RAPGEF1: variants seen among roughly 807,000 people sequenced by gnomAD.
RAPGEF1 encodes CRK SH3-binding GNRP.
RAPGEF1 carries 33 observed loss-of-function variants against 143.3 expected under a neutral mutation model. That is an observed-to-expected ratio of 0.23 (90% CI 0.17 to 0.31). RAPGEF1 has a LOEUF of 0.31. Ranked by LOEUF, RAPGEF1 falls within the 10% of genes least tolerant of loss-of-function variation. RAPGEF1 has a pLI of 1.00. For missense variants in RAPGEF1, 1,199 were observed against 1,645.4 expected (o/e 0.73, Z 4.69); for synonymous variants, 629 against 676.5 (o/e 0.93, Z 1.09).
At chr9:131,622,903 G>T (rs1244722754) in intron 10 of RAPGEF1, among the ~76,000 whole-genome samples, 1 of 152,032 alleles carries the variant, frequency 6.6e-6, no homozygotes, top group Non-Finnish European at 1.5e-5. Flanking sequence ...GAGTAGCTGG[G>T]ATTATAGGCA....
intron 1 of RAPGEF1, among the ~76,000 whole-genome samples, chr9:131,734,019 C>A (rs1171912129): frequency 2.6e-5 from 4 of 152,190 alleles, no homozygotes; most frequent in East Asian, 1.9e-4. Flanking sequence ...TATCTCTCTA[C>A]AGCACTGTTA....
intron 1 of RAPGEF1, among the ~76,000 whole-genome samples, chr9:131,656,769 A>G (rs1222738618): frequency 6.6e-6 from 1 of 152,228 alleles, no homozygotes. Context: ...GCAGGGACCA[A>G]CTAAGGGCAC....
Position 131,650,104 on chromosome 9 carries a change from C to T in RAPGEF1, c.315+25G>A. ...TCTGCAGTAGAAGGCAAGGCAAACCCAATTGTTCTTAATGTTACACTGACC... is the reference window on the plus strand; with the variant it reads ...TCTGCAGTAGAAGGCAAGGCAAACCTAATTGTTCTTAATGTTACACTGACC... On this transcript the variant is annotated intron_variant, in intron 3 of 26. Transcript: ENST00000683357. This position sits in a 1 kb window ranked among gnomAD's most constrained non-coding sequence, Gnocchi z 4.7. 1 of 1,576,026 alleles carries T rather than the reference C, an allele frequency of 6.3e-7. No homozygotes were observed. The highest frequency in any genetic ancestry group is 8.7e-7 in the Non-Finnish European group (1 of 1,149,092).
rs754708795 is a variant in RAPGEF1 at position 131,579,489 on chromosome 9, G to A, written c.*8C>T. 13 of 1,613,188 alleles carry A rather than the reference G, an allele frequency of 8.1e-6. No homozygotes were observed. Among genetic ancestry groups the A allele is most frequent in the South Asian group, 2.2e-5 (2 of 91,068 alleles). ...CTCGAGCATTCTCCTGGATCCCGGC[G>A]TCTGCTCCTAGGTCTTCTCTTCCCG... On this transcript the variant is annotated 3_prime_UTR_variant, in exon 27 of 27. Coordinates refer to ENST00000683357, the MANE Select transcript of RAPGEF1 (RefSeq NM_001377935.1).
intron 1 of RAPGEF1, among the ~76,000 whole-genome samples, chr9:131,692,282 A>G (rs1833836651): frequency 6.6e-6 from 1 of 152,260 alleles, no homozygotes; most frequent in Non-Finnish European, 1.5e-5. Context: ...GTGACTGTAG[A>G]GAGAAAAACT....
chr9:131,626,330 G>A lies in RAPGEF1; in HGVS notation c.1294C>T (p.Pro432Ser), dbSNP rs770812291. Reference sequence around the variant, plus strand: ...GACCCAGACTCCCCCAAAGACTCTGGCAACGGGCTAAGGTTCCAGGCCGTC... The same window carrying A: ...GACCCAGACTCCCCCAAAGACTCTGACAACGGGCTAAGGTTCCAGGCCGTC... ...QQTAWNLSPL[P>S]ESLGESGSPF... The change falls in exon 10 of 27, where the codon CCA (proline) becomes TCA (serine). Residue 432 changes from proline (P) to serine (S), a missense_variant. Pro to Ser is a moderately conservative substitution (Grantham distance 74). Transcript: ENST00000683357. 1.1e-5 allele frequency: 17 copies of A among 1,614,018 alleles called. No individual in the cohort carries two copies. The highest frequency in any genetic ancestry group is 1.4e-5 in the Non-Finnish European group (17 of 1,179,898).
rs950277690 is a variant in RAPGEF1, at chr9:131,603,237, G to A, written c.2412+724C>T. Among the ~76,000 whole-genome samples, 51 of 152,252 alleles carry A rather than the reference G, an allele frequency of 3.3e-4. 1 individual carries two copies. The highest frequency in any genetic ancestry group is 1.0e-4 in the Non-Finnish European group (7 of 68,036). On this transcript the variant is annotated intron_variant, in intron 14 of 26. Transcript: ENST00000683357. Reference sequence around the variant, plus strand: ...CCCGCCCTGGGGTGGATCACTGGGAGTCTTCCAGCCCTCATGGGCCTCCCT... The same window carrying A: ...CCCGCCCTGGGGTGGATCACTGGGAATCTTCCAGCCCTCATGGGCCTCCCT...
chr9:131,693,071 A>G (rs1833896187), intron 1 of RAPGEF1, among the ~76,000 whole-genome samples: 1 of 152,224 alleles, frequency 6.6e-6, no homozygotes, highest in South Asian at 2.1e-4. Context: ...TCCCTGGTGC[A>G]CTGTATCCTC....
chr9:131,587,420 G>T (rs1217551664), intron 22 of RAPGEF1, among the ~76,000 whole-genome samples: 2 of 152,268 alleles, frequency 1.3e-5, no homozygotes, highest in African/African-American at 4.8e-5. Flanking sequence ...ATCAGCTTGA[G>T]ATTGCCTGGC....
chr9:131,646,081 C>G (rs973815700), intron 3 of RAPGEF1, among the ~76,000 whole-genome samples: 1 of 152,154 alleles, frequency 6.6e-6, no homozygotes. Flanking sequence ...AGAAAGAGGC[C>G]AGATCGTAGC....
chr9:131,673,897 G>A (rs1831827155), intron 1 of RAPGEF1, among the ~76,000 whole-genome samples: 2 of 152,328 alleles, frequency 1.3e-5, no homozygotes, highest in African/African-American at 4.8e-5. Flanking sequence ...GTGTCTGCCA[G>A]TCCCCATGTC....
chr9:131,599,411 G>A (rs538285066), intron 15 of RAPGEF1, among the ~76,000 whole-genome samples: 3 of 136,004 alleles, frequency 2.2e-5, no homozygotes, highest in Admixed American at 1.6e-4. Flanking sequence ...ATGAGCCACC[G>A]TGCCCAGTCT....
intron 1 of RAPGEF1, among the ~76,000 whole-genome samples, chr9:131,662,632 T>C (rs942947288): frequency 8.6e-5 from 13 of 151,644 alleles, no homozygotes; most frequent in Non-Finnish European, 4.4e-5. Context: ...ACTGCCTTCC[T>C]GGTTCAAGTG....
intron 1 of RAPGEF1, among the ~76,000 whole-genome samples, chr9:131,665,743 T>C (rs1830328830): frequency 6.6e-6 from 1 of 152,164 alleles, no homozygotes; most frequent in Non-Finnish European, 1.5e-5. Flanking sequence ...AAAGCCACTA[T>C]GAGTGGTTGG....
At chr9:131,679,170 G>GA (rs1832703721) in intron 1 of RAPGEF1, among the ~76,000 whole-genome samples, 1 of 150,372 alleles carries the variant, frequency 6.7e-6, no homozygotes. Flanking sequence ...GTGACAAGGG[G>GA]GGGGCCACAA....
At chr9:131,579,791 T>C in intron 26 of RAPGEF1, 144 bp from the exon 27 acceptor site, 2 of 854,134 alleles carry the variant, frequency 2.3e-6, no homozygotes, top group East Asian at 2.7e-5. Context: ...TTGACCAATG[T>C]GACAGAGGGG....
At chr9:131,645,073 T>C (rs61219239) in intron 3 of RAPGEF1, among the ~76,000 whole-genome samples, 5,952 of 152,270 alleles carry the variant, frequency 0.039, 240 homozygotes, top group East Asian at 0.09. Flanking sequence ...TTTTTCTCTT[T>C]TCACTACCTG....
intron 1 of RAPGEF1, among the ~76,000 whole-genome samples, chr9:131,719,784 G>A (rs1014382018): frequency 6.6e-6 from 1 of 151,844 alleles, no homozygotes; most frequent in Non-Finnish European, 1.5e-5. Flanking sequence ...ATCTGAAAGA[G>A]TTAAGATTTG....
At chr9:131,738,180 A>G (rs1837542724) in intron 1 of RAPGEF1, among the ~76,000 whole-genome samples, 1 of 151,472 alleles carries the variant, frequency 6.6e-6, no homozygotes, top group African/African-American at 2.4e-5. Context: ...CAATGAACAT[A>G]GAATATTCTT....
Sources: allele counts gnomAD v4.1 joint callset (sites outside exome capture counted in the v4.1 genomes callset), GRCh38; gene constraint gnomAD v4.1.1; non-coding constraint Gnocchi (gnomAD v3.1); transcripts MANE v1.5; gene names NCBI Gene and HGNC (gene_info 2026-07-23, HGNC 2026-07-21).